NEDD9: variants seen among roughly 807,000 people sequenced by gnomAD.
The protein encoded by NEDD9 is neural precursor cell expressed, developmentally down-regulated 9.
NEDD9 carries 26 observed loss-of-function variants against 76.6 expected under a neutral mutation model. The ratio of observed to expected loss-of-function variants is 0.34; its 90% confidence interval spans 0.25 to 0.47. The LOEUF is 0.47. Among genes scored for constraint, NEDD9 ranks in the 20% least tolerant of loss-of-function variants. The pLI, the probability that NEDD9 is intolerant of heterozygous loss-of-function variation, is 1.00. For synonymous variants in NEDD9, 392 were observed against 414.2 expected, an observed-to-expected ratio of 0.95 and a Z score of 0.65; for missense variants, 937 against 1,058.5, an observed-to-expected ratio of 0.89 and a Z score of 1.59.
chr6:11,303,316 G>A (rs1761100724), intron 3 of NEDD9, among the ~76,000 whole-genome samples: 1 of 152,166 alleles, frequency 6.6e-6, no homozygotes, highest in South Asian at 2.1e-4. Context: ...CAAGGGACGT[G>A]AAGGAACTCT....
chr6:11,281,067 A>G (rs1760526855), intron 3 of NEDD9, among the ~76,000 whole-genome samples: 1 of 152,258 alleles, frequency 6.6e-6, no homozygotes, highest in Admixed American at 6.5e-5. Context: ...CTCTTGGCTG[A>G]GAGATAATGA....
chr6:11,259,565 C>T (rs888909731), intron 3 of NEDD9, among the ~76,000 whole-genome samples: 7 of 151,958 alleles, frequency 4.6e-5, no homozygotes, highest in Non-Finnish European at 2.9e-5. Context: ...TTATTATTAC[C>T]AAAATTGACT....
At chr6:11,208,665 T>C (rs1029169426) in intron 2 of NEDD9, among the ~76,000 whole-genome samples, 1 of 152,192 alleles carries the variant, frequency 6.6e-6, no homozygotes, top group Non-Finnish European at 1.5e-5. Flanking sequence ...GAGCTTGTAA[T>C]TTAGCCCCAA....
intron 1 of NEDD9, among the ~76,000 whole-genome samples, chr6:11,366,243 G>A (rs757474827): frequency 6.0e-5 from 9 of 150,856 alleles, no homozygotes; most frequent in Non-Finnish European, 1.3e-4. Flanking sequence ...GAGATTGTGC[G>A]TGGGTGACAG....
chr6:11,282,780 C>T (rs759918693), intron 3 of NEDD9, among the ~76,000 whole-genome samples: 1 of 152,210 alleles, frequency 6.6e-6, no homozygotes, highest in Non-Finnish European at 1.5e-5. Context: ...GGCAACAGCT[C>T]CTCGCTGGCT....
chr6:11,191,739 G>A (rs1304422001), intron 4 of NEDD9, among the ~76,000 whole-genome samples: 1 of 152,106 alleles, frequency 6.6e-6, no homozygotes. Context: ...GGCCAGGCGC[G>A]GCTCAGCCTG....
intron 3 of NEDD9, among the ~76,000 whole-genome samples, chr6:11,272,996 C>T (rs1760342545): frequency 6.6e-6 from 1 of 152,086 alleles, no homozygotes; most frequent in South Asian, 2.1e-4. Context: ...GCCAAAACAC[C>T]GCCTCCCACA....
chr6:11,193,992 T>A (rs567303711), intron 2 of NEDD9, among the ~76,000 whole-genome samples: 2 of 152,026 alleles, frequency 1.3e-5, no homozygotes, highest in Non-Finnish European at 2.9e-5. Flanking sequence ...CCTGAGTAGT[T>A]GAGATTACAG....
At chr6:11,230,424 A>C (rs1265484699) in intron 1 of NEDD9, among the ~76,000 whole-genome samples, 1 of 152,222 alleles carries the variant, frequency 6.6e-6, no homozygotes, top group Non-Finnish European at 1.5e-5. Context: ...AATTGAGTAT[A>C]AAAATAATAC....
At chr6:11,236,933 T>C (rs1759615191), upstream of NEDD9, among the ~76,000 whole-genome samples, 1 of 152,116 alleles carries the variant, frequency 6.6e-6, no homozygotes, top group Non-Finnish European at 1.5e-5. The surrounding 1 kb of genome is among the most constrained non-coding windows in gnomAD (Gnocchi z 5.5). Flanking sequence ...TCCCACCCTC[T>C]AGCCATACTT....
At chr6:11,212,387 G>A (rs1365405904) in intron 2 of NEDD9, among the ~76,000 whole-genome samples, 3 of 152,186 alleles carry the variant, frequency 2.0e-5, no homozygotes, top group South Asian at 4.1e-4. Flanking sequence ...CTGATAACAC[G>A]TGTCCCTACC....
At position 11,193,697 on chromosome 6, in the gene NEDD9, G is replaced by A; in HGVS notation, c.460-5C>T. The A allele has an allele frequency of 6.2e-7, 1 of 1,607,850 alleles. No homozygotes were observed. On this transcript the variant is annotated splice_region_variant and splice_polypyrimidine_tract_variant and intron_variant, in intron 2 of 6. Coordinates refer to ENST00000379446, the MANE Select transcript of NEDD9 (RefSeq NM_006403.4). ...TGTCCTCACGGGGGTTATCACCTGT[G>A]GGAGAGAAGGCACAGAGGTGTAAAT...
intron 2 of NEDD9, among the ~76,000 whole-genome samples, chr6:11,326,588 G>T (rs1435678472): frequency 1.3e-5 from 2 of 152,210 alleles, no homozygotes; most frequent in South Asian, 4.1e-4. Context: ...GAGCGGCATG[G>T]GTGGTGTTTT....
chr6:11,262,386 C>T (rs1043536491), intron 3 of NEDD9, among the ~76,000 whole-genome samples: 5 of 152,148 alleles, frequency 3.3e-5, no homozygotes, highest in African/African-American at 9.7e-5. Context: ...CTCTCCTTAC[C>T]ACCCCATACC....
intron 3 of NEDD9, among the ~76,000 whole-genome samples, chr6:11,274,588 G>A (rs1191374927): frequency 1.3e-5 from 2 of 152,176 alleles, no homozygotes; most frequent in Non-Finnish European, 2.9e-5. Flanking sequence ...TGTACTCTCT[G>A]TTGGGAACTG....
rs1164455551 is a variant in NEDD9 at position 11,188,239 on chromosome 6, C to T, written c.1974G>A (p.Lys658=). The change falls in exon 6 of 7, where the codon AAG becomes AAA. Residue 658 remains lysine, a synonymous_variant. Coordinates refer to ENST00000379446, the MANE Select transcript of NEDD9 (RefSeq NM_006403.4). ...TTACCTGATGATGTTCCAGCTGCAT[C>T]TTGTTCTGTTTCATGATATTCTCTT... ...LEKENIMKQN[K]MQLEHHQLSQ... 1.2e-6 allele frequency: 2 copies of T among 1,614,132 alleles called. No homozygotes were observed. The highest frequency in any genetic ancestry group is 3.3e-5 in the Admixed American group (2 of 60,012).
chr6:11,378,257 A>G (rs1375725763), intron 1 of NEDD9, among the ~76,000 whole-genome samples: 3 of 152,208 alleles, frequency 2.0e-5, no homozygotes, highest in East Asian at 3.9e-4. Flanking sequence ...AAAAGATCTG[A>G]TTGTTTAAAA....
intron 3 of NEDD9, among the ~76,000 whole-genome samples, chr6:11,264,277 A>G (rs575645073): frequency 4.5e-4 from 69 of 152,326 alleles, no homozygotes; most frequent in African/African-American, 1.4e-3. Flanking sequence ...TGACAGGAGC[A>G]TGCCCAGGCT....
rs1373256524 is a variant in NEDD9 at position 11,183,672 on chromosome 6, A to G, written c.*1490T>C. On this transcript the variant is annotated 3_prime_UTR_variant, in exon 7 of 7. Transcript: ENST00000379446. ...ATTTTTTTTTAATCACTCTGAGATCATGCATTCTTGTTTTTTAAATCCTTT... is the reference window on the plus strand; with the variant it reads ...ATTTTTTTTTAATCACTCTGAGATCGTGCATTCTTGTTTTTTAAATCCTTT... The G allele has an allele frequency of 1.3e-5, 2 of 152,286 alleles. No individual in the cohort carries two copies. The highest frequency in any genetic ancestry group is 1.9e-4 in the East Asian group (1 of 5,188). The allele number at this position is 152,286 out of a possible 1,614,324, so 9.4% of individuals were successfully genotyped here. A position where few individuals can be genotyped will look rare whatever the true frequency, so the allele number is the denominator to read the frequency against.
Sources: gnomAD v4.1 joint callset for allele counts (sites outside exome capture counted in the v4.1 genomes callset) on GRCh38, gnomAD v4.1.1 for gene constraint, Gnocchi (gnomAD v3.1) non-coding constraint, MANE v1.5 for transcripts, NCBI Gene and HGNC (gene_info 2026-07-23, HGNC 2026-07-21) for gene names.